Variants in NEXMIF observed in about 807,000 individuals in gnomAD.
The protein encoded by NEXMIF is XLMR protein related to neurite extension.
A neutral mutation model predicts 62.1 loss-of-function variants in NEXMIF; 8 were observed. The observed-to-expected ratio is 0.13, with a 90% CI of 0.08 to 0.23. The LOEUF (loss-of-function observed/expected upper bound fraction) is 0.23. Among genes scored for constraint, NEXMIF ranks in the 10% least tolerant of loss-of-function variants. The pLI, the probability that NEXMIF is intolerant of heterozygous loss-of-function variation, is 1.00. For synonymous variants in NEXMIF, 404 were observed against 416.6 expected (o/e 0.97, Z 0.37); for missense variants, 976 against 1,113.3 (o/e 0.88, Z 1.75).
At chrX:74,819,459 A>C (rs747096263) in intron 1 of NEXMIF, among the ~76,000 whole-genome samples, 1 of 112,363 alleles carries the variant, frequency 8.9e-6, no homozygotes, top group Admixed American at 9.4e-5. Flanking sequence ...TGATATCCAG[A>C]ATCTACAAAG....
intron 1 of NEXMIF, among the ~76,000 whole-genome samples, chrX:74,761,243 G>T (rs1382105419): frequency 9.0e-6 from 1 of 111,377 alleles, no homozygotes; most frequent in Non-Finnish European, 1.9e-5. Flanking sequence ...GAATGAGTTA[G>T]AGAGGTGTCT....
intron 1 of NEXMIF, among the ~76,000 whole-genome samples, chrX:74,829,972 G>C (rs2080430766): frequency 9.0e-6 from 1 of 111,383 alleles, no homozygotes; most frequent in Non-Finnish European, 1.9e-5. Context: ...TGGGTAGTTT[G>C]CAAATATTTT....
At position 74,744,115 on chromosome X, in the gene NEXMIF, C is replaced by A; in HGVS notation, c.442G>T (p.Gly148Cys). Residue 148 changes from glycine to cysteine, a missense_variant, in exon 3 of 4, where the codon GGC becomes TGC. Coordinates refer to ENST00000055682, the MANE Select transcript of NEXMIF (RefSeq NM_001008537.3). ...CLMQPSRTCL[G>C]CFMESKDAVD... ...GCATCCTTGGATTCCATGAAGCAGC[C>A]TAAGCAAGTCCGACTTGGCTGCATG... The A allele has an allele frequency of 8.3e-7, 1 of 1,211,770 alleles. No homozygotes were observed. Among genetic ancestry groups the A allele is most frequent in the Non-Finnish European group, 1.1e-6 (1 of 895,492 alleles).
At chrX:74,883,096 G>T (rs950712718) in intron 1 of NEXMIF, among the ~76,000 whole-genome samples, 6 of 111,863 alleles carry the variant, frequency 5.4e-5, no homozygotes, top group Admixed American at 1.9e-4. Context: ...CTGACTGTTA[G>T]AAGGAAAACT....
At chrX:74,814,137 T>A (rs892871758) in intron 1 of NEXMIF, among the ~76,000 whole-genome samples, 1 of 111,689 alleles carries the variant, frequency 9.0e-6, no homozygotes, top group Non-Finnish European at 1.9e-5. Flanking sequence ...TGATATTGTA[T>A]TTAATCATCA....
At chrX:74,902,024 G>A (rs1445732161) in intron 1 of NEXMIF, among the ~76,000 whole-genome samples, 1 of 110,821 alleles carries the variant, frequency 9.0e-6, no homozygotes, top group Non-Finnish European at 1.9e-5. Flanking sequence ...GGCTCCCAGT[G>A]GGATGAGTTT....
intron 1 of NEXMIF, among the ~76,000 whole-genome samples, chrX:74,875,122 CTG>C (rs1476176885): frequency 2.7e-5 from 3 of 111,459 alleles, no homozygotes; most frequent in Non-Finnish European, 5.6e-5. Context: ...ATGATATTGG[CTG>C]TGAGTTTGTC....
intron 1 of NEXMIF, among the ~76,000 whole-genome samples, chrX:74,787,104 C>CAAAAAAAAAAACA (rs2080262877): frequency 3.1e-5 from 1 of 31,761 alleles, no homozygotes; most frequent in East Asian, 6.6e-4. Flanking sequence ...ACCAAAAATA[C>CAAAAAAAAAAACA]AAAAAAAAAA....
intron 1 of NEXMIF, among the ~76,000 whole-genome samples, chrX:74,876,204 TG>T (rs1403678441): frequency 1.8e-5 from 2 of 111,389 alleles, no homozygotes; most frequent in Non-Finnish European, 3.8e-5. Flanking sequence ...TTGTTCTCGT[TG>T]GTTTCAAAGA....
chrX:74,797,288 T>A (rs1293134310), intron 1 of NEXMIF, among the ~76,000 whole-genome samples: 1 of 111,978 alleles, frequency 8.9e-6, no homozygotes, highest in African/African-American at 3.2e-5. Flanking sequence ...TGATAATTAA[T>A]GGAAAAACTG....
intron 1 of NEXMIF, among the ~76,000 whole-genome samples, chrX:74,748,430 G>A (rs774472586): frequency 5.4e-5 from 6 of 111,669 alleles, no homozygotes; most frequent in African/African-American, 2.0e-4. Context: ...TAATTTTGGG[G>A]AGGAATTATA....
intron 1 of NEXMIF, among the ~76,000 whole-genome samples, chrX:74,754,911 A>G (rs1303746670): frequency 1.8e-5 from 2 of 111,886 alleles, no homozygotes; most frequent in East Asian, 5.6e-4. Context: ...GTCCTGGCCC[A>G]GGAAACAATC....
intron 1 of NEXMIF, among the ~76,000 whole-genome samples, chrX:74,883,498 T>A (rs189120218): frequency 1.2e-3 from 130 of 111,849 alleles, no homozygotes; most frequent in African/African-American, 3.9e-3. Flanking sequence ...ACGTGACGAA[T>A]GCACAAGCCT....
At chrX:74,798,890 A>G (rs1212980750) in intron 1 of NEXMIF, among the ~76,000 whole-genome samples, 1 of 110,539 alleles carries the variant, frequency 9.0e-6, no homozygotes, top group Non-Finnish European at 1.9e-5. Context: ...TAGAGAAGAA[A>G]AAAGGAAAGA....
intron 1 of NEXMIF, among the ~76,000 whole-genome samples, chrX:74,838,008 C>T (rs986397814): frequency 6.3e-5 from 7 of 111,371 alleles, no homozygotes; most frequent in Non-Finnish European, 1.1e-4. Flanking sequence ...GAACATAGTG[C>T]CCATTGTGGA....
intron 1 of NEXMIF, among the ~76,000 whole-genome samples, chrX:74,761,158 C>A (rs1203304573): frequency 7.2e-5 from 8 of 111,106 alleles, no homozygotes; most frequent in Non-Finnish European, 5.7e-5. Context: ...GCATGACCCC[C>A]AATGCCTGGC....
At chrX:74,830,374 A>C (rs997856435) in intron 1 of NEXMIF, among the ~76,000 whole-genome samples, 3 of 110,963 alleles carry the variant, frequency 2.7e-5, no homozygotes, top group Non-Finnish European at 5.7e-5. Context: ...GTATGGATTT[A>C]TTTCTGGGTT....
chrX:74,864,490 G>T (rs2080570083), intron 1 of NEXMIF, among the ~76,000 whole-genome samples: 1 of 111,404 alleles, frequency 9.0e-6, no homozygotes, highest in Non-Finnish European at 1.9e-5. Flanking sequence ...ATGGGGGCAG[G>T]TTTTTCCCAT....
chrX:74,888,472 C>G (rs1352854924), intron 1 of NEXMIF, among the ~76,000 whole-genome samples: 2 of 109,132 alleles, frequency 1.8e-5, no homozygotes, highest in African/African-American at 3.3e-5. Context: ...TGTTCTCACT[C>G]ATAAGTGGGA....
Sources: gnomAD v4.1 joint callset for allele counts (sites outside exome capture counted in the v4.1 genomes callset) on GRCh38, gnomAD v4.1.1 for gene constraint, MANE v1.5 for transcripts, NCBI Gene and HGNC (gene_info 2026-07-23, HGNC 2026-07-21) for gene names.